PTGDR: variants seen among roughly 807,000 people sequenced by gnomAD.
PTGDR encodes the protein PGD2 receptor.
Under a neutral mutation model 17.4 loss-of-function variants are expected in PTGDR, and 19 were observed. The ratio of observed to expected loss-of-function variants is 1.09; its 90% CI spans 0.76 to 1.60. PTGDR has a LOEUF of 1.60. Among genes scored for constraint, PTGDR ranks in the 40% most tolerant of loss-of-function variants. The probability of loss-of-function intolerance (pLI) is 0.00; values close to 1 mark genes in which losing one functional copy is unlikely to be tolerated. For synonymous variants in PTGDR, 267 were observed against 224.2 expected (o/e 1.19, Z -1.71); for missense variants, 526 against 481.9 (o/e 1.09, Z -0.86).
Position 52,268,594 on chromosome 14 carries a change from G to C in PTGDR, c.780G>C (p.Glu260Asp). The C allele has an allele frequency of 6.8e-6, 11 of 1,611,032 alleles. No homozygotes were observed. Among genetic ancestry groups the C allele is most frequent in the Non-Finnish European group, 8.5e-6 (10 of 1,178,800 alleles). The change falls in exon 1 of 2, where the codon GAG becomes GAC. Residue 260 changes from glutamate (E) to aspartate (D), a missense_variant. Physicochemically the swap from Glu to Asp is conservative, Grantham distance 45 (BLOSUM62 2). Transcript: ENST00000306051. ...AAGCGTCCCCTCAGCCCCTGGAGGA[G>C]CTGGATCACCTCCTGCTGCTGGCGC... is the stretch of plus-strand genomic sequence containing the variant. Reference protein sequence around the residue: ...GREASPQPLEELDHLLLLALM... With the variant: ...GREASPQPLEDLDHLLLLALM...
intron 1 of PTGDR, among the ~76,000 whole-genome samples, chr14:52,270,875 G>T (rs11851957): frequency 0.12 from 18,909 of 152,206 alleles, 1,259 homozygotes; most frequent in Middle Eastern, 0.24. Context: ...TCTCTACGGA[G>T]ACTTGGATAA....
rs867093301 is a variant in PTGDR, at chr14:52,268,523, C to T, written c.709C>T (p.Arg237Cys). 9 of 1,611,866 alleles carry T rather than the reference C, an allele frequency of 5.6e-6. No homozygotes were observed. The highest frequency in any genetic ancestry group is 3.3e-4 in the Middle Eastern group (2 of 6,080). Residue 237 changes from arginine to cysteine, a missense_variant, in exon 1 of 2, where the codon CGC (arginine) becomes TGC (cysteine). Arg to Cys is a radical substitution (Grantham distance 180, BLOSUM62 -3). Coordinates refer to ENST00000306051, the MANE Select transcript of PTGDR (RefSeq NM_000953.3). ...AMHRRLQRHP[R>C]SCTRDCAEPR... ...GCACCGGCGGCTGCAGCGGCACCCG[C>T]GCTCCTGCACCAGGGACTGTGCCGA...
At chr14:52,277,056 T>A (rs1196451317), downstream of PTGDR, among the ~76,000 whole-genome samples, 3 of 152,190 alleles carry the variant, frequency 2.0e-5, no homozygotes, top group African/African-American at 7.2e-5. Flanking sequence ...ATAGATTTAT[T>A]CATTAATTCA....
chr14:52,270,669 C>T (rs1024461373), intron 1 of PTGDR, among the ~76,000 whole-genome samples: 13 of 152,228 alleles, frequency 8.5e-5, no homozygotes, highest in African/African-American at 3.1e-4. Context: ...GCCATAAAAC[C>T]TAAAATAGTT....
At position 52,267,791 on chromosome 14, in the gene PTGDR, T is replaced by C; in HGVS notation, c.-24T>C. Reference sequence around the variant, plus strand: ...GCCCTCGCCCTTCCGCAGCCTTCACTCCAGCCCTCTGCTCCCGCACGCCAT... The same window carrying C: ...GCCCTCGCCCTTCCGCAGCCTTCACCCCAGCCCTCTGCTCCCGCACGCCAT... On this transcript the variant is annotated 5_prime_UTR_variant, in exon 1 of 2. Transcript: ENST00000306051. 6.5e-7 allele frequency: 1 copy of C among 1,535,074 alleles called. No individual in the cohort carries two copies. The highest frequency in any genetic ancestry group is 8.8e-7 in the Non-Finnish European group (1 of 1,141,716).
chr14:52,278,455 C>T (rs868324456), downstream of PTGDR, among the ~76,000 whole-genome samples: 15 of 151,948 alleles, frequency 9.9e-5, no homozygotes, highest in Middle Eastern at 6.8e-3. Flanking sequence ...CATCACACAC[C>T]GGGGACTGTT....
At chr14:52,268,769 C>T (rs1236255433) in intron 1 of PTGDR, 109 bp downstream of exon 1, 2 of 1,228,080 alleles carry the variant, frequency 1.6e-6, no homozygotes, top group East Asian at 2.4e-5. Flanking sequence ...GCGAGCTGCG[C>T]CCTGGGCCAG....
chr14:52,274,585 T>C, intron 1 of PTGDR, 146 bp from the exon 2 acceptor site: 1 of 678,126 alleles, frequency 1.5e-6, no homozygotes, highest in Non-Finnish European at 2.5e-6. Flanking sequence ...CATCAGCTGC[T>C]GTGGCCTTAG....
chr14:52,271,836 C>T (rs2033327976), intron 1 of PTGDR, among the ~76,000 whole-genome samples: 1 of 152,220 alleles, frequency 6.6e-6, no homozygotes, highest in Non-Finnish European at 1.5e-5. Context: ...ACCTACTGGA[C>T]ACATTGAATA....
chr14:52,273,104 C>T (rs1362699180), intron 1 of PTGDR, among the ~76,000 whole-genome samples: 4 of 152,166 alleles, frequency 2.6e-5, no homozygotes, highest in African/African-American at 9.7e-5. Context: ...CCTCGGCCTC[C>T]CAGGTTCAAG....
rs1385225959 is a variant in PTGDR at position 52,268,578 on chromosome 14, C to CT, written c.765dup (p.Gln256SerfsTer36). On this transcript the variant is annotated frameshift_variant, in exon 1 of 2. Coordinates refer to ENST00000306051, the MANE Select transcript of PTGDR (RefSeq NM_000953.3). LOFTEE classifies it high-confidence loss of function. ...CGCGCGGACGGGAGGGAAGCGTCCC[C>CT]TCAGCCCCTGGAGGAGCTGGATCAC... 6.8e-6 allele frequency: 11 copies of CT among 1,612,368 alleles called. No homozygotes were observed. The highest frequency in any genetic ancestry group is 8.5e-6 in the Non-Finnish European group (10 of 1,179,416).
intron 1 of PTGDR, among the ~76,000 whole-genome samples, chr14:52,273,157 C>T (rs760326886): frequency 3.9e-5 from 6 of 152,114 alleles, no homozygotes; most frequent in East Asian, 1.9e-4. Context: ...GGATTACAGG[C>T]GCCCACCACC....
At position 52,276,352 on chromosome 14, in the gene PTGDR, A is replaced by C. The variant is rs550927677; in HGVS notation, c.*1388A>C. The C allele has an allele frequency of 6.6e-6, 1 of 152,284 alleles. No individual in the cohort carries two copies. Among genetic ancestry groups the C allele is most frequent in the East Asian group, 1.9e-4 (1 of 5,184 alleles). The allele number at this position is 152,284 out of a possible 1,614,324, so 9.4% of individuals were successfully genotyped here. ...GACCTCCAGCCAGAAGTCCCTTCCA[A>C]ATATAAGAGTACTCATGTTTATTTA... On this transcript the variant is annotated 3_prime_UTR_variant, in exon 2 of 2. Transcript: ENST00000306051.
intron 1 of PTGDR, among the ~76,000 whole-genome samples, chr14:52,272,559 G>A (rs1459058627): frequency 6.6e-6 from 1 of 152,114 alleles, no homozygotes; most frequent in Non-Finnish European, 1.5e-5. Context: ...GGAGTTGGGA[G>A]TCATTGAAAT....
At position 52,275,025 on chromosome 14, in the gene PTGDR, G is replaced by T; in HGVS notation, c.*61G>T. 1 of 1,230,492 alleles carries T rather than the reference G, an allele frequency of 8.1e-7. No homozygotes were observed. The allele number at this position is 1,230,492 out of a possible 1,614,324, so 76.2% of individuals were successfully genotyped here. Reference sequence around the variant, plus strand: ...GTCACATTTTCAGTCAAAGAACCATGATTAAAAAAAAAAAGACAACTTACA... The same window carrying T: ...GTCACATTTTCAGTCAAAGAACCATTATTAAAAAAAAAAAGACAACTTACA... On this transcript the variant is annotated 3_prime_UTR_variant, in exon 2 of 2. Transcript: ENST00000306051.
rs767017234 is a variant in PTGDR at position 52,268,648 on chromosome 14, TC to T, written c.835del (p.Leu279CysfsTer3). The T allele has an allele frequency of 3.2e-6, 5 of 1,574,546 alleles. No individual in the cohort carries two copies. In the African/African-American group the frequency reaches 6.8e-5, roughly 21 times the overall value. On this transcript the variant is annotated frameshift_variant, in exon 1 of 2. Transcript: ENST00000306051. LOFTEE classifies it low-confidence loss of function (END_TRUNC). ...LMTVLFTMCS[L>X]PVIYRAYYGA... ...TGACCGTGCTCTTCACTATGTGTTC[TC>T]TGCCCGTAATTGTGAGTCCCCGGGC...
At position 52,267,839 on chromosome 14, in the gene PTGDR, C is replaced by G; in HGVS notation, c.25C>G (p.Gln9Glu). Residue 9 changes from glutamine (Q) to glutamate (E), a missense_variant, in exon 1 of 2, where the codon CAG (glutamine) becomes GAG (glutamate). Gln to Glu is a conservative substitution (Grantham distance 29). Transcript: ENST00000306051. ...CATGAAGTCGCCGTTCTACCGCTGCCAGAACACCACCTCTGTGGAAAAAGG... is the reference window on the plus strand; with the variant it reads ...CATGAAGTCGCCGTTCTACCGCTGCGAGAACACCACCTCTGTGGAAAAAGG... MKSPFYRC[Q>E]NTTSVEKGNS... 6.3e-7 allele frequency: 1 copy of G among 1,576,536 alleles called. No homozygotes were observed. Among genetic ancestry groups the G allele is most frequent in the Non-Finnish European group, 8.6e-7 (1 of 1,159,996 alleles).
At chr14:52,269,569 C>A in intron 1 of PTGDR, 1 of 1,475,366 alleles carries the variant, frequency 6.8e-7, no homozygotes, top group South Asian at 1.2e-5. Context: ...ACAATACTTA[C>A]AGAAATTCCA....
intron 1 of PTGDR, among the ~76,000 whole-genome samples, chr14:52,272,647 G>A (rs1049189380): frequency 5.9e-5 from 9 of 151,982 alleles, no homozygotes; most frequent in Non-Finnish European, 1.3e-4. Context: ...TCCAGTCCAC[G>A]CACTGTAACA....
Sources: gnomAD v4.1 joint callset for allele counts (sites outside exome capture counted in the v4.1 genomes callset) on GRCh38, gnomAD v4.1.1 for gene constraint, MANE v1.5 for transcripts, NCBI Gene and HGNC (gene_info 2026-07-23, HGNC 2026-07-21) for gene names.